The following PKIB variants were observed in gnomAD, a reference collection of about 807,000 sequenced individuals.
PKIB encodes the protein cAMP-dependent protein kinase inhibitor beta, also known as PKI-beta.
A neutral mutation model predicts 4.5 loss-of-function variants in PKIB; 2 were observed. The ratio of observed to expected loss-of-function variants is 0.44; its 90% confidence interval spans 0.18 to 1.39. The LOEUF (loss-of-function observed/expected upper bound fraction) is 1.39, where lower values mean the gene tolerates loss of function less well. Among genes scored for constraint, PKIB ranks in the 40% most tolerant of loss-of-function variants. The pLI, the probability that PKIB is intolerant of heterozygous loss-of-function variation, is 0.27. For missense variants in PKIB, 94 were observed against 92.6 expected, an observed-to-expected ratio of 1.02 and a Z score of -0.06; for synonymous variants, 38 against 36.0, an observed-to-expected ratio of 1.06 and a Z score of -0.20.
chr6:122,554,604 GCTGT>G (rs1772783462), intron 2 of PKIB, among the ~76,000 whole-genome samples: 1 of 152,150 alleles, frequency 6.6e-6, no homozygotes, highest in Non-Finnish European at 1.5e-5. Flanking sequence ...CAGTAGTGGG[GCTGT>G]CTATCAAAGG....
At chr6:122,644,552 C>T (rs1457177197) in intron 2 of PKIB, 2 of 152,064 alleles carry the variant, frequency 1.3e-5, no homozygotes, top group African/African-American at 4.8e-5. Context: ...ATATTAGTGC[C>T]TCTCCCCCAG....
At chr6:122,643,356 G>T (rs1242652468) in intron 2 of PKIB, 3 of 152,064 alleles carry the variant, frequency 2.0e-5, no homozygotes, top group Non-Finnish European at 4.4e-5. Flanking sequence ...AAAACGTTTT[G>T]CACATTTATA....
chr6:122,690,840 A>G (rs1439725937), intron 3 of PKIB, among the ~76,000 whole-genome samples: 2 of 151,424 alleles, frequency 1.3e-5, no homozygotes, highest in Non-Finnish European at 2.9e-5. Flanking sequence ...TTCTTGTAAG[A>G]CAGGTCTGGT....
intron 2 of PKIB, among the ~76,000 whole-genome samples, chr6:122,673,645 TA>T (rs1294358025): frequency 6.6e-6 from 1 of 152,094 alleles, no homozygotes; most frequent in Non-Finnish European, 1.5e-5. Flanking sequence ...TCCAAGGTGG[TA>T]AAATACGCAT....
chr6:122,723,815 C>A (rs532293031), intron 4 of PKIB, among the ~76,000 whole-genome samples: 1 of 152,276 alleles, frequency 6.6e-6, no homozygotes, highest in Admixed American at 6.5e-5. Context: ...CACAAGACTT[C>A]TTGAAAATTT....
rs531175577 is a variant in PKIB, at chr6:122,685,350, GA to G, written c.-9+10208del. Among the ~76,000 whole-genome samples, 280 of 152,176 alleles carry G rather than the reference GA, an allele frequency of 1.8e-3. 2 individuals are homozygous for G. Among genetic ancestry groups the G allele is most frequent in the Non-Finnish European group, 3.1e-3 (208 of 67,986 alleles). On this transcript the variant is annotated intron_variant, in intron 3 of 4. Transcript: ENST00000368452. ...GTTTTAAAAAGAATTAAAAGAAAGA[GA>G]AGAATCTTAGGTTCAAATGAGTTTA...
chr6:122,704,215 A>G (rs1266312452), intron 3 of PKIB, among the ~76,000 whole-genome samples: 3 of 152,124 alleles, frequency 2.0e-5, no homozygotes, highest in African/African-American at 4.8e-5. Flanking sequence ...CAGGACTTCA[A>G]TGCATGGGAT....
chr6:122,593,086 T>A (rs1371664616), intron 3 of PKIB, among the ~76,000 whole-genome samples: 1 of 152,212 alleles, frequency 6.6e-6, no homozygotes, highest in Non-Finnish European at 1.5e-5. Context: ...AGCTACTATT[T>A]TCAGCCATAA....
At chr6:122,475,887 T>C (rs898499370) in intron 1 of PKIB, among the ~76,000 whole-genome samples, 3 of 152,192 alleles carry the variant, frequency 2.0e-5, no homozygotes, top group Non-Finnish European at 2.9e-5. Flanking sequence ...TCAGTGTGTC[T>C]CCATCAAGGT....
intron 2 of PKIB, among the ~76,000 whole-genome samples, chr6:122,537,333 C>A (rs1777438221): frequency 6.6e-6 from 1 of 152,014 alleles, no homozygotes; most frequent in Non-Finnish European, 1.5e-5. Flanking sequence ...CACCCCACAA[C>A]AGACCCCAGT....
At chr6:122,596,811 G>T (rs1445424766) in intron 3 of PKIB, among the ~76,000 whole-genome samples, 1 of 152,194 alleles carries the variant, frequency 6.6e-6, no homozygotes, top group Non-Finnish European at 1.5e-5. Flanking sequence ...TATGGCCCAA[G>T]TGGCAAAGCA....
At chr6:122,565,085 A>C (rs971778247) in intron 2 of PKIB, among the ~76,000 whole-genome samples, 3 of 152,202 alleles carry the variant, frequency 2.0e-5, no homozygotes. Context: ...TGTAAGTGGC[A>C]CCGAATAATT....
intron 3 of PKIB, among the ~76,000 whole-genome samples, chr6:122,595,894 C>G (rs544307162): frequency 6.6e-6 from 1 of 152,322 alleles, no homozygotes; most frequent in East Asian, 1.9e-4. Flanking sequence ...TATTAAACTC[C>G]TCCTCTGCTG....
intron 2 of PKIB, among the ~76,000 whole-genome samples, chr6:122,488,947 T>C (rs1188307124): frequency 6.6e-6 from 1 of 152,180 alleles, no homozygotes; most frequent in Non-Finnish European, 1.5e-5. Context: ...GGCCATTGGC[T>C]TTTCATATTT....
chr6:122,475,553 A>G (rs1775432282), intron 1 of PKIB, among the ~76,000 whole-genome samples: 4 of 152,202 alleles, frequency 2.6e-5, no homozygotes, highest in African/African-American at 9.7e-5. Context: ...TGGGAGCCTA[A>G]GGTGGGTGGA....
intron 2 of PKIB, among the ~76,000 whole-genome samples, chr6:122,662,245 T>C (rs1331418991): frequency 6.7e-6 from 1 of 148,396 alleles, no homozygotes; most frequent in African/African-American, 2.5e-5. Flanking sequence ...TTTGGTGTCA[T>C]ATCTAAGAAA....
chr6:122,577,463 A>G (rs919205163), intron 2 of PKIB, among the ~76,000 whole-genome samples: 1 of 152,200 alleles, frequency 6.6e-6, no homozygotes, highest in Non-Finnish European at 1.5e-5. Context: ...TAAAGACACA[A>G]AAAGATGTCA....
intron 2 of PKIB, among the ~76,000 whole-genome samples, chr6:122,665,568 C>T (rs887952410): frequency 2.0e-5 from 3 of 151,980 alleles, no homozygotes; most frequent in African/African-American, 4.8e-5. Flanking sequence ...AAAGTAGACT[C>T]GGGAGAGAGA....
intron 2 of PKIB, among the ~76,000 whole-genome samples, chr6:122,523,782 C>G (rs994796403): frequency 6.7e-6 from 1 of 148,650 alleles, no homozygotes; most frequent in Non-Finnish European, 1.5e-5. Flanking sequence ...AACTCGGTAT[C>G]AAGAAAAAAA....
Sources: gnomAD v4.1 joint callset for allele counts (sites outside exome capture counted in the v4.1 genomes callset) on GRCh38, gnomAD v4.1.1 for gene constraint, MANE v1.5 for transcripts, NCBI Gene and HGNC (gene_info 2026-07-23, HGNC 2026-07-21) for gene names.